The following SUGCT variants were observed in gnomAD, a reference collection of about 807,000 sequenced individuals.
SUGCT encodes the protein succinyl-CoA:glutarate-CoA transferase, also known as succinyl-CoA:glutarate CoA-transferase.
Under a neutral mutation model 55.0 loss-of-function variants are expected in SUGCT, and 41 were observed. That is an observed-to-expected ratio of 0.74 (90% CI 0.58 to 0.97). The LOEUF (loss-of-function observed/expected upper bound fraction) is 0.97, where lower values mean the gene tolerates loss of function less well. Ranked by LOEUF, SUGCT falls within the 50% of genes least tolerant of loss-of-function variation. SUGCT has a pLI of 0.00. For missense variants in SUGCT, 568 were observed against 547.8 expected (o/e 1.04, Z -0.37); for synonymous variants, 187 against 200.4 (o/e 0.93, Z 0.56).
the SUGCT span, among the ~76,000 whole-genome samples, chr7:41,009,290 A>G: frequency 5.3e-5 from 8 of 151,938 alleles, no homozygotes; most frequent in African/African-American, 1.7e-4. Context: ...CTATGAATCT[A>G]TGTTAATTAT....
chr7:40,488,915 A>G (rs190911845), intron 11 of SUGCT, among the ~76,000 whole-genome samples: 2 of 152,070 alleles, frequency 1.3e-5, no homozygotes, highest in Non-Finnish European at 2.9e-5. Context: ...TTGATATTTG[A>G]CAGTTTGATT....
intron 12 of SUGCT, among the ~76,000 whole-genome samples, chr7:40,722,236 A>G (rs1786379644): frequency 1.3e-5 from 2 of 152,232 alleles, no homozygotes; most frequent in South Asian, 4.1e-4. Context: ...TCAGCATAAA[A>G]AAAGGCTGAC....
intron 13 of SUGCT, among the ~76,000 whole-genome samples, chr7:40,811,202 G>A (rs1791393694): frequency 6.6e-6 from 1 of 152,118 alleles, no homozygotes; most frequent in African/African-American, 2.4e-5. Context: ...GTAATGTGAT[G>A]CCTCCAGCTT....
chr7:40,302,302 C>A (rs1051797420), intron 8 of SUGCT, among the ~76,000 whole-genome samples: 1 of 152,118 alleles, frequency 6.6e-6, no homozygotes, highest in African/African-American at 2.4e-5. Context: ...TGGTTGACTC[C>A]AGTGGTCTGC....
chr7:40,925,821 T>C, the SUGCT span, among the ~76,000 whole-genome samples: 6 of 152,160 alleles, frequency 3.9e-5, no homozygotes, highest in South Asian at 1.0e-3. Flanking sequence ...TTGCCAGTCA[T>C]GATGGCTCAT....
intron 12 of SUGCT, among the ~76,000 whole-genome samples, chr7:40,526,432 T>C (rs1426260388): frequency 6.6e-6 from 1 of 152,208 alleles, no homozygotes; most frequent in Non-Finnish European, 1.5e-5. Flanking sequence ...TAAGGCAATG[T>C]ACTTCATACT....
At chr7:40,776,829 T>G (rs1562997152) in intron 13 of SUGCT, among the ~76,000 whole-genome samples, 2 of 152,086 alleles carry the variant, frequency 1.3e-5, no homozygotes, top group African/African-American at 2.4e-5. Context: ...AAGCTTAGAG[T>G]GCACTTGGCT....
At chr7:40,468,273 G>A (rs1002695829) in intron 11 of SUGCT, among the ~76,000 whole-genome samples, 2 of 151,814 alleles carry the variant, frequency 1.3e-5, no homozygotes, top group Non-Finnish European at 2.9e-5. Flanking sequence ...TGTTTTATTT[G>A]GTATCTCTAG....
At chr7:40,918,088 C>G in the SUGCT span, among the ~76,000 whole-genome samples, 1 of 152,044 alleles carries the variant, frequency 6.6e-6, no homozygotes, top group Non-Finnish European at 1.5e-5. Flanking sequence ...TAGCCATGAG[C>G]CTAGAGGCAG....
chr7:40,381,536 G>A (rs201539633), intron 9 of SUGCT, among the ~76,000 whole-genome samples: 1 of 151,902 alleles, frequency 6.6e-6, no homozygotes, highest in East Asian at 1.9e-4. Flanking sequence ...TAAATCTGTT[G>A]ACTCGTGGTT....
intron 13 of SUGCT, among the ~76,000 whole-genome samples, chr7:40,789,984 C>T (rs1445083456): frequency 6.6e-6 from 1 of 152,110 alleles, no homozygotes; most frequent in African/African-American, 2.4e-5. Flanking sequence ...CCAAAAGCTG[C>T]CTTCAAAATA....
chr7:40,845,401 C>A (rs142119006), intron 13 of SUGCT, among the ~76,000 whole-genome samples: 1 of 152,124 alleles, frequency 6.6e-6, no homozygotes, highest in Non-Finnish European at 1.5e-5. Context: ...TCAGGTCCAG[C>A]GGAGAGTAAG....
chr7:40,173,010 G>C (rs1257436936), intron 1 of SUGCT, among the ~76,000 whole-genome samples: 3 of 152,196 alleles, frequency 2.0e-5, no homozygotes, highest in Admixed American at 6.5e-5. Flanking sequence ...AAATGTTACG[G>C]GTGGGTCTTT....
chr7:41,013,127 C>A, the SUGCT span, among the ~76,000 whole-genome samples: 1 of 152,054 alleles, frequency 6.6e-6, no homozygotes, highest in African/African-American at 2.4e-5. Context: ...GTCCCACACA[C>A]TCTGCTGTGC....
At chr7:40,928,603 A>AT in the SUGCT span, among the ~76,000 whole-genome samples, 40,375 of 144,458 alleles carry the variant, frequency 0.28, 7,168 homozygotes, top group African/African-American at 0.51. Context: ...TAAAACTCTA[A>AT]TTTTTTTTTT....
At chr7:40,137,169 C>T (rs890506440) in intron 1 of SUGCT, among the ~76,000 whole-genome samples, 5 of 152,000 alleles carry the variant, frequency 3.3e-5, no homozygotes, top group Admixed American at 6.6e-5. Flanking sequence ...ACTCTGTCAC[C>T]GAGGCTGGAG....
intron 11 of SUGCT, among the ~76,000 whole-genome samples, chr7:40,490,508 G>A (rs1791620757): frequency 6.6e-6 from 1 of 152,150 alleles, no homozygotes; most frequent in African/African-American, 2.4e-5. Flanking sequence ...AAGTGACAGG[G>A]CCAGAGAATT....
At chr7:40,344,670 G>T (rs1462245338) in intron 9 of SUGCT, among the ~76,000 whole-genome samples, 1 of 152,244 alleles carries the variant, frequency 6.6e-6, no homozygotes, top group South Asian at 2.1e-4. Context: ...TACAGAAAAA[G>T]TTTGCTGACC....
chr7:40,891,598 G>A, the SUGCT span, among the ~76,000 whole-genome samples: 82 of 152,298 alleles, frequency 5.4e-4, no homozygotes, highest in African/African-American at 1.9e-3. Context: ...GGGAGACAAA[G>A]ACTTTCGCAG....
Sources: allele counts gnomAD v4.1 joint callset (sites outside exome capture counted in the v4.1 genomes callset), GRCh38; gene constraint gnomAD v4.1.1; transcripts MANE v1.5; gene names NCBI Gene and HGNC (gene_info 2026-07-23, HGNC 2026-07-21).